ASXL2: variants seen among roughly 807,000 people sequenced by gnomAD.
ASXL2 encodes ASXL transcriptional regulator 2.
ASXL2 carries 23 observed loss-of-function variants against 122.0 expected under a neutral mutation model. The observed-to-expected ratio is 0.19, with a 90% CI of 0.14 to 0.27. The LOEUF (loss-of-function observed/expected upper bound fraction) is 0.27. ASXL2 is among the 10% of genes least tolerant of loss of function. ASXL2 has a pLI of 1.00. For missense variants in ASXL2, 1,518 were observed against 1,713.8 expected (o/e 0.89, Z 2.02); for synonymous variants, 650 against 637.0 (o/e 1.02, Z -0.31).
chr2:25,874,458 CA>C (rs34123851), intron 1 of ASXL2, among the ~76,000 whole-genome samples: 6,475 of 152,118 alleles, frequency 0.043, 212 homozygotes, highest in African/African-American at 0.081. Flanking sequence ...CACTGCATTC[CA>C]GCCTGGGCAA....
intron 5 of ASXL2, among the ~76,000 whole-genome samples, chr2:25,773,750 T>C (rs111261227): frequency 0.036 from 5,450 of 151,610 alleles, 132 homozygotes; most frequent in Middle Eastern, 0.17. Context: ...AAATTTATAC[T>C]ATGCAGCTGG....
intron 5 of ASXL2, among the ~76,000 whole-genome samples, chr2:25,778,345 G>C (rs1251762255): frequency 1.3e-5 from 2 of 152,198 alleles, no homozygotes; most frequent in African/African-American, 4.8e-5. Context: ...AGAGACTGGA[G>C]TAATGTGTTC....
chr2:25,771,006 G>A (rs759748292), intron 6 of ASXL2, among the ~76,000 whole-genome samples: 2 of 152,130 alleles, frequency 1.3e-5, no homozygotes, highest in Non-Finnish European at 2.9e-5. Flanking sequence ...GGGAGGCCAA[G>A]GTGGGCAGAT....
intron 12 of ASXL2, among the ~76,000 whole-genome samples, chr2:25,747,619 C>T (rs1204147196): frequency 1.3e-5 from 2 of 152,118 alleles, no homozygotes; most frequent in African/African-American, 4.8e-5. Context: ...TGTAACCCAG[C>T]CTGTTTACAG....
chr2:25,851,360 G>C (rs557739606), intron 1 of ASXL2, among the ~76,000 whole-genome samples: 1 of 152,228 alleles, frequency 6.6e-6, no homozygotes, highest in East Asian at 1.9e-4. Flanking sequence ...TTCCTCACTT[G>C]TGAATTGGCT....
intron 1 of ASXL2, among the ~76,000 whole-genome samples, chr2:25,869,043 T>C (rs1287519816): frequency 6.6e-6 from 1 of 151,842 alleles, no homozygotes; most frequent in African/African-American, 2.4e-5. Context: ...CAGACGCCTG[T>C]AATCCCAGCT....
At chr2:25,822,712 C>G (rs1476374517) in intron 3 of ASXL2, 2 of 710,482 alleles carry the variant, frequency 2.8e-6, no homozygotes, top group African/African-American at 1.8e-5. Context: ...AAAGGAGAAT[C>G]TGGCCAGTCA....
intron 10 of ASXL2, among the ~76,000 whole-genome samples, chr2:25,754,430 T>C (rs910116466): frequency 1.3e-5 from 2 of 152,026 alleles, no homozygotes; most frequent in African/African-American, 4.8e-5. Flanking sequence ...TAAGACCTCC[T>C]GGGGGTGAGA....
chr2:25,799,870 C>T (rs947483453), intron 4 of ASXL2, among the ~76,000 whole-genome samples: 5 of 151,414 alleles, frequency 3.3e-5, no homozygotes, highest in Admixed American at 6.6e-5. Context: ...ATTGGCTGGG[C>T]GTGGTGGTTC....
intron 1 of ASXL2, among the ~76,000 whole-genome samples, chr2:25,858,744 A>G (rs1046620402): frequency 6.6e-6 from 1 of 151,844 alleles, no homozygotes; most frequent in Non-Finnish European, 1.5e-5. Flanking sequence ...TTTAAAGCCT[A>G]ATATAAAGAG....
intron 2 of ASXL2, among the ~76,000 whole-genome samples, chr2:25,837,373 A>G (rs2089524167): frequency 6.6e-6 from 1 of 152,220 alleles, no homozygotes; most frequent in Non-Finnish European, 1.5e-5. Flanking sequence ...AAGCCAGAAT[A>G]TCCAAATTGC....
At chr2:25,746,394 C>T (rs954463365) in intron 12 of ASXL2, among the ~76,000 whole-genome samples, 2 of 151,532 alleles carry the variant, frequency 1.3e-5, no homozygotes, top group African/African-American at 2.4e-5. Flanking sequence ...TCGAACAAGC[C>T]TAGATAGTAT....
At chr2:25,843,432 C>T (rs2089611216) in intron 2 of ASXL2, among the ~76,000 whole-genome samples, 2 of 152,020 alleles carry the variant, frequency 1.3e-5, no homozygotes, top group African/African-American at 4.8e-5. Flanking sequence ...AGCCATTGCA[C>T]CTGGCCTTCA....
intron 8 of ASXL2, among the ~76,000 whole-genome samples, chr2:25,766,356 T>C (rs1203987561): frequency 6.6e-6 from 1 of 152,212 alleles, no homozygotes; most frequent in Non-Finnish European, 1.5e-5. Context: ...TCTTATATTG[T>C]TTTTTATCAC....
intron 8 of ASXL2, among the ~76,000 whole-genome samples, chr2:25,765,772 T>A (rs548313203): frequency 6.6e-6 from 1 of 152,336 alleles, no homozygotes; most frequent in African/African-American, 2.4e-5. Context: ...AAGTAGAATA[T>A]GCGCTCCATG....
chr2:25,842,477 T>C (rs1442863609), intron 2 of ASXL2, among the ~76,000 whole-genome samples: 1 of 152,120 alleles, frequency 6.6e-6, no homozygotes, highest in Non-Finnish European at 1.5e-5. Context: ...ATAATCTTTA[T>C]TTATTTACTA....
chr2:25,812,710 G>A (rs2089186982), intron 3 of ASXL2, among the ~76,000 whole-genome samples: 2 of 152,156 alleles, frequency 1.3e-5, no homozygotes, highest in African/African-American at 4.8e-5. Context: ...AAGGACAAAT[G>A]TGCAAGGATT....
intron 1 of ASXL2, among the ~76,000 whole-genome samples, 196 bp from the exon 2 acceptor site, chr2:25,845,759 G>A (rs2089641741): frequency 6.6e-6 from 1 of 152,068 alleles, no homozygotes; most frequent in Non-Finnish European, 1.5e-5. Context: ...AGCACATTAA[G>A]ATTATCCATT....
intron 1 of ASXL2, among the ~76,000 whole-genome samples, chr2:25,866,555 C>T (rs2149202372): frequency 6.6e-6 from 1 of 152,268 alleles, no homozygotes; most frequent in South Asian, 2.1e-4. Flanking sequence ...TGCTAGAAAA[C>T]AGAGCTGAGA....
Sources: allele counts gnomAD v4.1 joint callset (sites outside exome capture counted in the v4.1 genomes callset), GRCh38; gene constraint gnomAD v4.1.1; transcripts MANE v1.5; gene names NCBI Gene and HGNC (gene_info 2026-07-23, HGNC 2026-07-21).